EPHA3: variants seen among roughly 807,000 people sequenced by gnomAD.
The protein encoded by EPHA3 is EPH receptor A3, also known as ephrin type-A receptor 3.
In EPHA3, 42 loss-of-function variants were observed where a neutral mutation model predicts 107.1. The ratio of observed to expected loss-of-function variants is 0.39; its 90% confidence interval spans 0.31 to 0.51. EPHA3 has a LOEUF of 0.51. EPHA3 is among the 20% of genes least tolerant of loss of function. The pLI is 0.78. For synonymous variants in EPHA3, 461 were observed against 424.8 expected, an observed-to-expected ratio of 1.09 and a Z score of -1.05; for missense variants, 1,183 against 1,211.2, an observed-to-expected ratio of 0.98 and a Z score of 0.35.
At chr3:89,209,309 AATTTTTT>A (rs1483363513) in intron 2 of EPHA3, among the ~76,000 whole-genome samples, 2 of 152,014 alleles carry the variant, frequency 1.3e-5, no homozygotes, top group African/African-American at 2.4e-5. Context: ...TTTTACTTCA[AATTTTTT>A]TTTCATAGTT....
intron 5 of EPHA3, among the ~76,000 whole-genome samples, chr3:89,388,231 T>A (rs1708661048): frequency 6.6e-6 from 1 of 152,176 alleles, no homozygotes; most frequent in Non-Finnish European, 1.5e-5. Flanking sequence ...GAAAATATGC[T>A]GTATACTTTA....
chr3:89,433,305 A>C (rs1019236057), intron 13 of EPHA3, among the ~76,000 whole-genome samples: 1 of 120,426 alleles, frequency 8.3e-6, no homozygotes, highest in Non-Finnish European at 1.8e-5. Context: ...ATTCCCGATT[A>C]AAAAAAAAAG....
At chr3:89,381,064 C>T (rs1223626402) in intron 5 of EPHA3, among the ~76,000 whole-genome samples, 1 of 152,084 alleles carries the variant, frequency 6.6e-6, no homozygotes, top group Non-Finnish European at 1.5e-5. Context: ...GCTCCACCTC[C>T]TGGTTTCCCG....
intron 3 of EPHA3, among the ~76,000 whole-genome samples, chr3:89,324,169 T>C (rs927180565): frequency 6.6e-6 from 1 of 150,830 alleles, no homozygotes; most frequent in African/African-American, 2.4e-5. Context: ...TTTTTTTTTT[T>C]TTTTTTTTTA....
At chr3:89,132,643 G>A (rs997826228) in intron 2 of EPHA3, among the ~76,000 whole-genome samples, 10 of 152,142 alleles carry the variant, frequency 6.6e-5, no homozygotes, top group African/African-American at 2.2e-4. Context: ...ACCAAGGCAG[G>A]AGAATCACTT....
intron 2 of EPHA3, among the ~76,000 whole-genome samples, chr3:89,208,536 GAAA>G (rs1208562105): frequency 7.2e-6 from 1 of 139,824 alleles, no homozygotes; most frequent in East Asian, 2.1e-4. Flanking sequence ...AAGAAAGAAA[GAAA>G]AAAAGAAAGA....
In EPHA3 at chr3:89,477,613, T is replaced by C. The variant is rs532849053; in HGVS notation, c.2847-1784T>C. Among the ~76,000 whole-genome samples the C allele has an allele frequency of 4.6e-5, 7 of 152,278 alleles. No homozygotes were observed. In the East Asian group the frequency reaches 1.4e-3, roughly 29 times the overall value. ...AGTATAAAGGAATCCCCTCTGTGTG[T>C]GTGTGTGTGTCTGTGTCTGTGTGTG... On this transcript the variant is annotated intron_variant, in intron 16 of 16. Coordinates refer to ENST00000336596, the MANE Select transcript of EPHA3 (RefSeq NM_005233.6).
At position 89,361,356 on chromosome 3, in the gene EPHA3, T is replaced by A. The variant is rs911466597; in HGVS notation, c.1306+19266T>A. 3.3e-5 allele frequency among the ~76,000 whole-genome samples: 5 copies of A among 150,916 alleles called. 1 individual carries two copies. In the Admixed American group the frequency reaches 3.3e-4, roughly 10 times the overall value. ...TGGTGCTTTGTGACAGAACCACAGA[T>A]GTTCAGTACATGATATATTTATTTT... On this transcript the variant is annotated intron_variant, in intron 5 of 16. Transcript: ENST00000336596.
At chr3:89,357,677 C>T (rs764180621) in intron 5 of EPHA3, among the ~76,000 whole-genome samples, 1 of 151,136 alleles carries the variant, frequency 6.6e-6, no homozygotes. Flanking sequence ...TATTTCTCTT[C>T]TATTGAAATG....
chr3:89,331,894 C>A (rs1707297382), intron 3 of EPHA3, among the ~76,000 whole-genome samples: 1 of 152,010 alleles, frequency 6.6e-6, no homozygotes, highest in Non-Finnish European at 1.5e-5. Flanking sequence ...CAATGCTGTT[C>A]TGATATTTAA....
intron 5 of EPHA3, among the ~76,000 whole-genome samples, chr3:89,353,140 A>G (rs923042029): frequency 2.0e-5 from 3 of 151,148 alleles, no homozygotes; most frequent in African/African-American, 4.8e-5. Flanking sequence ...TTTAAAATAA[A>G]GGTAGAATAA....
At chr3:89,345,398 A>G (rs897623502) in intron 5 of EPHA3, among the ~76,000 whole-genome samples, 1 of 151,268 alleles carries the variant, frequency 6.6e-6, no homozygotes, top group Non-Finnish European at 1.5e-5. Flanking sequence ...TTTCTATCAA[A>G]AAATTGGATT....
chr3:89,456,130 AT>A (rs1410935633), intron 15 of EPHA3, among the ~76,000 whole-genome samples: 7 of 152,280 alleles, frequency 4.6e-5, no homozygotes, highest in African/African-American at 1.4e-4. Flanking sequence ...CTCTGAACAG[AT>A]TTTTTTAATA....
At chr3:89,318,594 G>A (rs1200928351) in intron 3 of EPHA3, among the ~76,000 whole-genome samples, 4 of 151,872 alleles carry the variant, frequency 2.6e-5, no homozygotes, top group African/African-American at 9.7e-5. Flanking sequence ...CGGCCGGCCA[G>A]CTTGATACAG....
intron 3 of EPHA3, among the ~76,000 whole-genome samples, chr3:89,218,166 T>A (rs764550415): frequency 7.9e-5 from 12 of 152,068 alleles, no homozygotes; most frequent in Non-Finnish European, 1.5e-4. Flanking sequence ...ATGCTTTAAG[T>A]TTTAGGGTAC....
chr3:89,148,176 T>A (rs1261258578), intron 2 of EPHA3, among the ~76,000 whole-genome samples: 2 of 151,986 alleles, frequency 1.3e-5, no homozygotes, highest in Non-Finnish European at 2.9e-5. Flanking sequence ...TGTGTGTCTG[T>A]GTTTTTAAAA....
In EPHA3 at chr3:89,145,858, C is replaced by T. The variant is rs117737450; in HGVS notation, c.153+18585C>T. ...TCAAACAATATCATCAAAGAAGACACCACTGTGTAATAATATCTTTGGCTT... is the reference window on the plus strand; with the variant it reads ...TCAAACAATATCATCAAAGAAGACATCACTGTGTAATAATATCTTTGGCTT... On this transcript the variant is annotated intron_variant, in intron 2 of 16. Transcript: ENST00000336596. Among the ~76,000 whole-genome samples the T allele has an allele frequency of 8.6e-3, 1,300 of 151,512 alleles. 9 individuals are homozygous for T. The highest frequency in any genetic ancestry group is 0.027 in the East Asian group (137 of 5,150).
intron 2 of EPHA3, among the ~76,000 whole-genome samples, chr3:89,138,218 C>A (rs557942970): frequency 6.6e-6 from 1 of 151,580 alleles, no homozygotes; most frequent in East Asian, 1.9e-4. Flanking sequence ...AGAGAAAAGA[C>A]GCGTTTCCCT....
At chr3:89,159,405 C>T (rs144015898) in intron 2 of EPHA3, among the ~76,000 whole-genome samples, 173 of 152,134 alleles carry the variant, frequency 1.1e-3, no homozygotes, top group African/African-American at 3.2e-3. Flanking sequence ...ACAGTAAGGA[C>T]CACAGCAAGC....
Sources: gnomAD v4.1 joint callset for allele counts (sites outside exome capture counted in the v4.1 genomes callset) on GRCh38, gnomAD v4.1.1 for gene constraint, MANE v1.5 for transcripts, NCBI Gene and HGNC (gene_info 2026-07-23, HGNC 2026-07-21) for gene names.